The following PPP4R3C variants were observed in gnomAD, a reference collection of about 807,000 sequenced individuals.
PPP4R3C encodes protein PPP4R3C.
For synonymous variants in PPP4R3C, 150 were observed against 86.5 expected, an observed-to-expected ratio of 1.73 and a Z score of -4.07; for missense variants, 372 against 237.3, an observed-to-expected ratio of 1.57 and a Z score of -3.73.
Position 27,461,282 on chromosome X carries a change from C to G in PPP4R3C, c.2015G>C (p.Gly672Ala), listed in dbSNP as rs1174288069. ...SVLQNIVVFR[G>A]TIEEIGLEEE... ...TTCCAGCCCAATTTCTTCTATGGTA[C>G]CTCTGAAAACTACTATATTTTGCAG... Residue 672 changes from glycine (G) to alanine (A), a missense_variant, in exon 1 of 1, where the codon GGT becomes GCT. Coordinates refer to ENST00000412172, the MANE Select transcript of PPP4R3C (RefSeq NM_207319.4). The G allele has an allele frequency of 9.7e-6, 5 of 513,855 alleles. No homozygotes were observed. Among genetic ancestry groups the G allele is most frequent in the Admixed American group, 8.0e-5 (3 of 37,622 alleles). The allele number at this position is 513,855 out of a possible 1,213,427, so 42.3% of individuals were successfully genotyped here. A position where few individuals can be genotyped will look rare whatever the true frequency, so the allele number is the denominator to read the frequency against.
Position 27,461,656 on chromosome X carries a change from A to G in PPP4R3C, c.1641T>C (p.Asn547=). The part of the protein sequence containing the change: ...DLLRKALILM[N]SKHTHLILCV... ...ACAAAATCAGGTGAGTATGCTTTGA[A>G]TTCATCAATATCAAGGCCTTTCTTA... Residue 547 remains asparagine, a synonymous_variant, in exon 1 of 1, where the codon AAT becomes AAC. Transcript: ENST00000412172. 1.9e-6 allele frequency: 1 copy of G among 515,494 alleles called. No individual in the cohort carries two copies. Among genetic ancestry groups the G allele is most frequent in the South Asian group, 2.5e-5 (1 of 40,728 alleles). 42.5% of individuals were successfully genotyped at this position (515,494 alleles called of 1,213,427 possible).
In PPP4R3C at chrX:27,462,688, G is replaced by A. The variant is rs1451057397; in HGVS notation, c.609C>T (p.Phe203=). The change falls in exon 1 of 1, where the codon TTC becomes TTT. Residue 203 remains phenylalanine (F), a synonymous_variant. Transcript: ENST00000412172. ...TCTCAAACAGACATGCCTCGTTGAG[G>A]AACAAAATTCCCTTAATAATTTCAT... The part of the protein sequence containing the change: ...HLYEIIKGIL[F]LNEACLFEIM... 1 of 544,377 alleles carries A rather than the reference G, an allele frequency of 1.8e-6. No homozygotes were observed. Among genetic ancestry groups the A allele is most frequent in the African/African-American group, 2.2e-5 (1 of 44,906 alleles). 44.9% of individuals were successfully genotyped at this position (544,377 alleles called of 1,213,427 possible). A position where few individuals can be genotyped will look rare whatever the true frequency, so the allele number is the denominator to read the frequency against.
rs1343847428 is a variant in PPP4R3C, at chrX:27,462,307, C to T, written c.990G>A (p.Arg330=). The change falls in exon 1 of 1, where the codon CGG becomes CGA. Residue 330 remains arginine (R), a synonymous_variant. Transcript: ENST00000412172. ...CCTTGAAAAAAAATAGCAATTCACA[C>T]CGTCTATCATCATGTGTAGTCTCAT... ...LKDETTHDDR[R]CELLFFFKEL... is the part of the protein sequence containing the mutation. The T allele has an allele frequency of 5.8e-6, 3 of 514,853 alleles. No individual in the cohort carries two copies. Among genetic ancestry groups the T allele is most frequent in the Admixed American group, 2.6e-5 (1 of 37,893 alleles). The allele number at this position is 514,853 out of a possible 1,213,427, so 42.4% of individuals were successfully genotyped here. A position where few individuals can be genotyped will look rare whatever the true frequency, so the allele number is the denominator to read the frequency against.
chrX:27,462,454 G>A lies in PPP4R3C; in HGVS notation c.843C>T (p.Ser281=), dbSNP rs1922989901. The A allele has an allele frequency of 1.9e-6, 1 of 514,038 alleles. No homozygotes were observed. Among genetic ancestry groups the A allele is most frequent in the African/African-American group, 2.3e-5 (1 of 43,452 alleles). The allele number at this position is 514,038 out of a possible 1,213,427, so 42.4% of individuals were successfully genotyped here. The change falls in exon 1 of 1, where the codon TCC becomes TCT. Residue 281 remains serine (S), a synonymous_variant. Coordinates refer to ENST00000412172, the MANE Select transcript of PPP4R3C (RefSeq NM_207319.4). ...YIYDILLPVP[S]IFEDNFLSTL... is the part of the protein sequence containing the mutation. The stretch of plus-strand genomic sequence containing the variant: ...TAGAAAGAAAATTATCTTCAAATAT[G>A]GAAGGCACAGGCAAAAGAATGTCAT...
In PPP4R3C at chrX:27,461,356, T is replaced by A. The variant is rs1366374771; in HGVS notation, c.1941A>T (p.Glu647Asp). 1.9e-6 allele frequency: 1 copy of A among 515,602 alleles called. No homozygotes were observed. Among genetic ancestry groups the A allele is most frequent in the East Asian group, 3.6e-5 (1 of 27,762 alleles). 42.5% of individuals were successfully genotyped at this position (515,602 alleles called of 1,213,427 possible). ...TTTGACTTTGTCTGTCTCTCTCTTT[T>A]TCATATTTAATCTTCAATCCTTTGA... ...QTFKGLKIKY[E>D]KERDRQSQIQ... Residue 647 changes from glutamate to aspartate, a missense_variant, in exon 1 of 1, where the codon GAA becomes GAT. Physicochemically the swap from Glu to Asp is conservative, Grantham distance 45. Coordinates refer to ENST00000412172, the MANE Select transcript of PPP4R3C (RefSeq NM_207319.4).
rs753046268 is a variant in PPP4R3C, at chrX:27,461,197, G to A, written c.2100C>T (p.Asp700=). Residue 700 remains aspartate (D), a synonymous_variant, in exon 1 of 1, where the codon GAC becomes GAT. Coordinates refer to ENST00000412172, the MANE Select transcript of PPP4R3C (RefSeq NM_207319.4). ...TTCTTTTGGTCTCCATAAATTCATC[G>A]TCATCTTCCAGTGGTGGCATAACTA... ...GEVVMPPLED[D]DEFMETKRTQ... is the part of the protein sequence containing the mutation. 2.9e-5 allele frequency: 15 copies of A among 512,400 alleles called. No individual in the cohort carries two copies. The highest frequency in any genetic ancestry group is 1.2e-4 in the South Asian group (5 of 40,440). The allele number at this position is 512,400 out of a possible 1,213,427, so 42.2% of individuals were successfully genotyped here.
rs1365077874 is a variant in PPP4R3C, at chrX:27,462,085, T to C, written c.1212A>G (p.Ser404=). The C allele has an allele frequency of 1.2e-5, 6 of 513,499 alleles. No homozygotes were observed. In the East Asian group the frequency reaches 2.2e-4, roughly 19 times the overall value. 42.3% of individuals were successfully genotyped at this position (513,499 alleles called of 1,213,427 possible). A position where few individuals can be genotyped will look rare whatever the true frequency, so the allele number is the denominator to read the frequency against. Residue 404 remains serine (S), a synonymous_variant, in exon 1 of 1, where the codon TCA becomes TCG. Transcript: ENST00000412172. ...CACTATCTTTGCACACGTGAGCTTCTGAAATTATAAATTCTCGGATCCTGG... is the reference window on the plus strand; with the variant it reads ...CACTATCTTTGCACACGTGAGCTTCCGAAATTATAAATTCTCGGATCCTGG... ...SPSRIREFII[S]EAHVCKDSDL...
rs1285149234 is a variant in PPP4R3C, at chrX:27,462,095, A to C, written c.1202T>G (p.Phe401Cys). The change falls in exon 1 of 1, where the codon TTT (phenylalanine) becomes TGT (cysteine). Residue 401 changes from phenylalanine to cysteine, a missense_variant. Phe to Cys is a radical substitution (Grantham distance 205, BLOSUM62 -2). Coordinates refer to ENST00000412172, the MANE Select transcript of PPP4R3C (RefSeq NM_207319.4). ...VEYSPSRIRE[F>C]IISEAHVCKD... ...GCACACGTGAGCTTCTGAAATTATA[A>C]ATTCTCGGATCCTGGATGGACTGTA... 2 of 513,078 alleles carry C rather than the reference A, an allele frequency of 3.9e-6. No individual in the cohort carries two copies. Among genetic ancestry groups the C allele is most frequent in the Non-Finnish European group, 7.0e-6 (2 of 286,777 alleles). The allele number at this position is 513,078 out of a possible 1,213,427, so 42.3% of individuals were successfully genotyped here. A position where few individuals can be genotyped will look rare whatever the true frequency, so the allele number is the denominator to read the frequency against.
Position 27,462,061 on chromosome X carries a change from A to T in PPP4R3C, c.1236T>A (p.Ser412Arg). 5.8e-6 allele frequency: 3 copies of T among 518,250 alleles called. No individual in the cohort carries two copies. Among genetic ancestry groups the T allele is most frequent in the Non-Finnish European group, 1.0e-5 (3 of 288,415 alleles). The allele number at this position is 518,250 out of a possible 1,213,427, so 42.7% of individuals were successfully genotyped here. ...TAATTATTACATTAATGAAAAGGTC[A>T]CTATCTTTGCACACGTGAGCTTCTG... ...IISEAHVCKD[S>R]DLFINVIIKQ... Residue 412 changes from serine (S) to arginine (R), a missense_variant, in exon 1 of 1, where the codon AGT (serine) becomes AGA (arginine). By Grantham distance (110) the Ser-to-Arg change is moderately radical. Coordinates refer to ENST00000412172, the MANE Select transcript of PPP4R3C (RefSeq NM_207319.4).
Position 27,460,842 on chromosome X carries a change from C to G in PPP4R3C, c.2455G>C (p.Glu819Gln), listed in dbSNP as rs1354934282. Residue 819 changes from glutamate (E) to glutamine (Q), a missense_variant, in exon 1 of 1, where the codon GAA becomes CAA. Coordinates refer to ENST00000412172, the MANE Select transcript of PPP4R3C (RefSeq NM_207319.4). ...EDEEEKEEDK[E>Q]DETSPKKKPH... ...TTCTTCTTGGGGGATGTTTCATCTT[C>G]TTTATCTTCCTCTTTTTCTTCTTCA... 8 of 510,634 alleles carry G rather than the reference C, an allele frequency of 1.6e-5. No individual in the cohort carries two copies. The highest frequency in any genetic ancestry group is 2.8e-5 in the Non-Finnish European group (8 of 286,077). 42.1% of individuals were successfully genotyped at this position (510,634 alleles called of 1,213,427 possible). A position where few individuals can be genotyped will look rare whatever the true frequency, so the allele number is the denominator to read the frequency against.
Position 27,460,631 on chromosome X carries a change from G to T in PPP4R3C, c.*167C>A. 3.2e-6 allele frequency: 1 copy of T among 311,480 alleles called. No homozygotes were observed. Among genetic ancestry groups the T allele is most frequent in the Non-Finnish European group, 5.5e-6 (1 of 181,031 alleles). The allele number at this position is 311,480 out of a possible 1,213,427, so 25.7% of individuals were successfully genotyped here. A position where few individuals can be genotyped will look rare whatever the true frequency, so the allele number is the denominator to read the frequency against. On this transcript the variant is annotated 3_prime_UTR_variant, in exon 1 of 1. Coordinates refer to ENST00000412172, the MANE Select transcript of PPP4R3C (RefSeq NM_207319.4). ...GGTTCTGGTTACTGTTTTTTTTTAAGATTATGAGAAATTTTGTTTTTACAG... is the reference window on the plus strand; with the variant it reads ...GGTTCTGGTTACTGTTTTTTTTTAATATTATGAGAAATTTTGTTTTTACAG...
rs750645172 is a variant in PPP4R3C, at chrX:27,462,678, C to A, written c.619G>T (p.Ala207Ser). ...IIKGILFLNEACLFEIMFSDE... is the reference protein window; with the variant it reads ...IIKGILFLNESCLFEIMFSDE... ...GAAAACATTATCTCAAACAGACATG[C>A]CTCGTTGAGGAACAAAATTCCCTTA... Residue 207 changes from alanine to serine, a missense_variant, in exon 1 of 1, where the codon GCA becomes TCA. Transcript: ENST00000412172. The A allele has an allele frequency of 3.6e-6, 2 of 548,993 alleles. No individual in the cohort carries two copies. Among genetic ancestry groups the A allele is most frequent in the African/African-American group, 4.5e-5 (2 of 44,583 alleles). 45.2% of individuals were successfully genotyped at this position (548,993 alleles called of 1,213,427 possible). A position where few individuals can be genotyped will look rare whatever the true frequency, so the allele number is the denominator to read the frequency against.
chrX:27,461,217 T>G lies in PPP4R3C; in HGVS notation c.2080A>C (p.Met694Leu). ...CFMEDAGEVV[M>L]PPLEDDDEFM... ...TCATCGTCATCTTCCAGTGGTGGCATAACTACTTCTCCTGCATCTTCCATA... is the reference window on the plus strand; with the variant it reads ...TCATCGTCATCTTCCAGTGGTGGCAGAACTACTTCTCCTGCATCTTCCATA... The change falls in exon 1 of 1, where the codon ATG (methionine) becomes CTG (leucine). Residue 694 changes from methionine (M) to leucine (L), a missense_variant. By Grantham distance (15) the Met-to-Leu change is conservative. Transcript: ENST00000412172. 1.9e-6 allele frequency: 1 copy of G among 513,779 alleles called. No individual in the cohort carries two copies. The allele number at this position is 513,779 out of a possible 1,213,427, so 42.3% of individuals were successfully genotyped here. A position where few individuals can be genotyped will look rare whatever the true frequency, so the allele number is the denominator to read the frequency against.
rs778727584 is a variant in PPP4R3C, at chrX:27,463,255, G to A, written c.42C>T (p.Asn14=). ...LRYSVKVYVL[N]EDEEWNNLGT... ...CTAGATTGTTCCATTCCTCGTCTTC[G>A]TTCAGGACATAGACTTTTACACTGT... Residue 14 remains asparagine (N), a synonymous_variant, in exon 1 of 1, where the codon AAC becomes AAT. Coordinates refer to ENST00000412172, the MANE Select transcript of PPP4R3C (RefSeq NM_207319.4). 1.2e-5 allele frequency: 6 copies of A among 514,611 alleles called. No individual in the cohort carries two copies. The highest frequency in any genetic ancestry group is 2.5e-5 in the South Asian group (1 of 40,663). The allele number at this position is 514,611 out of a possible 1,213,427, so 42.4% of individuals were successfully genotyped here. A position where few individuals can be genotyped will look rare whatever the true frequency, so the allele number is the denominator to read the frequency against.
At position 27,462,519 on chromosome X, in the gene PPP4R3C, T is replaced by G. The variant is rs1221086458; in HGVS notation, c.778A>C (p.Arg260=). ...EVIPITNSEL[R]QKIHQTYRLQ... is the part of the protein sequence containing the mutation. ...CTGTATGTCTGATGTATTTTTTGCC[T>G]AAGTTCAGAGTTAGTTATTGGTATA... The change falls in exon 1 of 1, where the codon AGG becomes CGG. Residue 260 remains arginine (R), a synonymous_variant. Transcript: ENST00000412172. 1.9e-6 allele frequency: 1 copy of G among 530,338 alleles called. No individual in the cohort carries two copies. The highest frequency in any genetic ancestry group is 3.4e-6 in the Non-Finnish European group (1 of 294,237). 43.7% of individuals were successfully genotyped at this position (530,338 alleles called of 1,213,427 possible).
In PPP4R3C at chrX:27,462,551, T is replaced by C. The variant is rs758483861; in HGVS notation, c.746A>G (p.Lys249Arg). The C allele has an allele frequency of 4.5e-5, 25 of 549,631 alleles. No homozygotes were observed. The highest frequency in any genetic ancestry group is 7.2e-5 in the Non-Finnish European group (22 of 303,965). The allele number at this position is 549,631 out of a possible 1,213,427, so 45.3% of individuals were successfully genotyped here. A position where few individuals can be genotyped will look rare whatever the true frequency, so the allele number is the denominator to read the frequency against. ...AGAGTTAGTTATTGGTATAACTTCC[T>C]TGAACTTCGCATCGTTGGTCAAGAA... ...RDFLTNDAKF[K>R]EVIPITNSEL... The change falls in exon 1 of 1, where the codon AAG (lysine) becomes AGG (arginine). Residue 249 changes from lysine (K) to arginine (R), a missense_variant. Transcript: ENST00000412172.
At position 27,462,186 on chromosome X, in the gene PPP4R3C, C is replaced by T. The variant is rs755037322; in HGVS notation, c.1111G>A (p.Val371Ile). The change falls in exon 1 of 1, where the codon GTA becomes ATA. Residue 371 changes from valine to isoleucine, a missense_variant. Transcript: ENST00000412172. ...QLGVLPALKIVMIRDDLQVRS... is the reference protein window; with the variant it reads ...QLGVLPALKIIMIRDDLQVRS... Reference sequence around the variant, plus strand: ...ACTTGCAAATCATCCCTGATCATTACGATTTTAAGAGCAGGAAGAACTCCC... The same window carrying T: ...ACTTGCAAATCATCCCTGATCATTATGATTTTAAGAGCAGGAAGAACTCCC... The T allele has an allele frequency of 1.6e-5, 8 of 513,029 alleles. No individual in the cohort carries two copies. The highest frequency in any genetic ancestry group is 2.3e-5 in the African/African-American group (1 of 43,194). The allele number at this position is 513,029 out of a possible 1,213,427, so 42.3% of individuals were successfully genotyped here.
Position 27,460,675 on chromosome X carries a change from C to T in PPP4R3C, c.*123G>A, listed in dbSNP as rs947097279. ...TTTACAGAATTAAACCCTCTTAACT[C>T]GTTATATCTGTGATTTATCATTATA... On this transcript the variant is annotated 3_prime_UTR_variant, in exon 1 of 1. Coordinates refer to ENST00000412172, the MANE Select transcript of PPP4R3C (RefSeq NM_207319.4). 7.7e-6 allele frequency: 3 copies of T among 390,643 alleles called. No homozygotes were observed. The highest frequency in any genetic ancestry group is 8.0e-5 in the East Asian group (2 of 24,940). 32.2% of individuals were successfully genotyped at this position (390,643 alleles called of 1,213,427 possible).
In PPP4R3C at chrX:27,461,055, A is replaced by C. The variant is rs1922951471; in HGVS notation, c.2242T>G (p.Phe748Val). 1 of 509,882 alleles carries C rather than the reference A, an allele frequency of 2.0e-6. No individual in the cohort carries two copies. The highest frequency in any genetic ancestry group is 3.5e-6 in the Non-Finnish European group (1 of 285,847). 42.0% of individuals were successfully genotyped at this position (509,882 alleles called of 1,213,427 possible). ...VMPPLEDDDE[F>V]METKRNQEHE... ...TCTTGGTTTCTTTTAGTCTCCATAA[A>C]TTCATCGTCATCTTCCAGTGGTGGC... Residue 748 changes from phenylalanine to valine, a missense_variant, in exon 1 of 1, where the codon TTT becomes GTT. Phe to Val is a conservative substitution (Grantham distance 50). Transcript: ENST00000412172.
Sources: gnomAD v4.1 joint callset for allele counts on GRCh38, gnomAD v4.1.1 for gene constraint, MANE v1.5 for transcripts, NCBI Gene and HGNC (gene_info 2026-07-23, HGNC 2026-07-21) for gene names.